Variants in CTNNA3 observed in about 807,000 individuals in gnomAD.
CTNNA3 encodes catenin alpha 3.
In CTNNA3, 76 loss-of-function variants were observed where a neutral mutation model predicts 95.7. The observed-to-expected ratio is 0.79, with a 90% CI of 0.66 to 0.96. The LOEUF (loss-of-function observed/expected upper bound fraction) is 0.96. Among genes scored for constraint, CTNNA3 ranks in the 40% least tolerant of loss-of-function variants. The probability of loss-of-function intolerance (pLI) is 0.00; values close to 1 mark genes in which losing one functional copy is unlikely to be tolerated. For synonymous variants in CTNNA3, 431 were observed against 374.4 expected (o/e 1.15, Z -1.74); for missense variants, 1,191 against 1,089.8 (o/e 1.09, Z -1.31).
At chr10:66,588,044 C>G (rs1351142769) in intron 10 of CTNNA3, among the ~76,000 whole-genome samples, 1 of 152,184 alleles carries the variant, frequency 6.6e-6, no homozygotes, top group Non-Finnish European at 1.5e-5. Flanking sequence ...TCTGTGAGGT[C>G]CCCTGTGAGG....
chr10:66,673,653 C>T (rs1220479674), intron 9 of CTNNA3, among the ~76,000 whole-genome samples: 3 of 151,880 alleles, frequency 2.0e-5, no homozygotes, highest in African/African-American at 2.4e-5. Context: ...ATTAGATATA[C>T]CAAATACAGC....
intron 7 of CTNNA3, among the ~76,000 whole-genome samples, chr10:67,085,565 A>G (rs531746109): frequency 6.6e-6 from 1 of 152,004 alleles, no homozygotes; most frequent in Non-Finnish European, 1.5e-5. Flanking sequence ...ATCAACAAGA[A>G]GTATTTTATT....
chr10:67,597,757 C>T (rs550702300), intron 3 of CTNNA3, among the ~76,000 whole-genome samples: 4 of 152,244 alleles, frequency 2.6e-5, no homozygotes, highest in East Asian at 1.9e-4. Flanking sequence ...AGTGGTAGGG[C>T]GGTGGGGGCT....
At chr10:66,804,650 T>A (rs1841568499) in intron 7 of CTNNA3, among the ~76,000 whole-genome samples, 1 of 152,086 alleles carries the variant, frequency 6.6e-6, no homozygotes, top group Admixed American at 6.6e-5. Flanking sequence ...TAGATGAACG[T>A]TTATTAAACA....
At position 66,621,762 on chromosome 10, in the gene CTNNA3, A is replaced by G. The variant is rs369650832; in HGVS notation, c.1304T>C (p.Met435Thr). 7 of 1,609,986 alleles carry G rather than the reference A, an allele frequency of 4.3e-6. No homozygotes were observed. The highest frequency in any genetic ancestry group is 5.9e-6 in the Non-Finnish European group (7 of 1,178,408). The change falls in exon 10 of 18, where the codon ATG becomes ACG. Residue 435 changes from methionine (M) to threonine (T), a missense_variant. Transcript: ENST00000433211. ...LVEVANLACS[M>T]STNEDGIKIV... Reference sequence around the variant, plus strand: ...TTTAATTCCATCTTCATTTGTTGACATGGAACAAGCAAGATTTGCCACCTT... The same window carrying G: ...TTTAATTCCATCTTCATTTGTTGACGTGGAACAAGCAAGATTTGCCACCTT...
At chr10:66,211,390 A>G (rs771253334) in intron 13 of CTNNA3, among the ~76,000 whole-genome samples, 7 of 152,312 alleles carry the variant, frequency 4.6e-5, no homozygotes, top group South Asian at 2.1e-4. Context: ...CAATTATTTT[A>G]GAGAGAGCTC....
chr10:66,922,460 C>T (rs1388384734), intron 7 of CTNNA3, among the ~76,000 whole-genome samples: 2 of 152,186 alleles, frequency 1.3e-5, no homozygotes, highest in Non-Finnish European at 2.9e-5. Flanking sequence ...CTTCTGCAGC[C>T]TCAAGTATTC....
chr10:67,334,237 TG>T, intron 5 of CTNNA3: 1 of 156,762 alleles, frequency 6.4e-6, no homozygotes, highest in Non-Finnish European at 1.4e-5. Context: ...ATTTTGGCAT[TG>T]GACAGCACAT....
chr10:66,958,308 C>CA (rs35076056), intron 7 of CTNNA3, among the ~76,000 whole-genome samples: 2,269 of 86,784 alleles, frequency 0.026, 136 homozygotes, highest in African/African-American at 0.047. Context: ...TGCTTTCTTG[C>CA]AAAAAAAAAA....
intron 10 of CTNNA3, among the ~76,000 whole-genome samples, chr10:66,551,712 G>A (rs1842220949): frequency 6.6e-6 from 1 of 151,746 alleles, no homozygotes; most frequent in African/African-American, 2.4e-5. Context: ...TATTTTAGTA[G>A]GCATTTAACT....
chr10:67,093,955 G>C (rs1393740167), intron 7 of CTNNA3, among the ~76,000 whole-genome samples: 1 of 152,044 alleles, frequency 6.6e-6, no homozygotes, highest in East Asian at 1.9e-4. Context: ...GCAATACCGT[G>C]ATGTCAGGCA....
At chr10:67,132,032 G>T (rs1433759062) in intron 7 of CTNNA3, among the ~76,000 whole-genome samples, 1 of 152,118 alleles carries the variant, frequency 6.6e-6, no homozygotes, top group Non-Finnish European at 1.5e-5. Context: ...GATGGTATTT[G>T]CAGTATTCTG....
chr10:66,523,532 A>G (rs1841143355), intron 10 of CTNNA3, among the ~76,000 whole-genome samples: 1 of 152,222 alleles, frequency 6.6e-6, no homozygotes, highest in African/African-American at 2.4e-5. Flanking sequence ...CCATATATCT[A>G]GAGAAAATAA....
At chr10:67,653,063 T>C (rs1052609947) in intron 1 of CTNNA3, among the ~76,000 whole-genome samples, 3 of 152,222 alleles carry the variant, frequency 2.0e-5, no homozygotes, top group Non-Finnish European at 4.4e-5. Flanking sequence ...CTGCAGGCTA[T>C]ACAGAAAGCA....
intron 11 of CTNNA3, among the ~76,000 whole-genome samples, chr10:66,440,642 T>C (rs886706600): frequency 6.6e-6 from 1 of 152,156 alleles, no homozygotes; most frequent in Non-Finnish European, 1.5e-5. Flanking sequence ...TTCACTATTC[T>C]TGTTTGAAAC....
intron 5 of CTNNA3, among the ~76,000 whole-genome samples, chr10:67,473,159 G>T (rs1320886785): frequency 2.6e-5 from 4 of 152,158 alleles, no homozygotes; most frequent in Non-Finnish European, 5.9e-5. Context: ...ATTATTACAT[G>T]ATGAAATGCT....
intron 15 of CTNNA3, among the ~76,000 whole-genome samples, chr10:66,020,982 A>C (rs1378176231): frequency 1.3e-5 from 2 of 151,992 alleles, no homozygotes; most frequent in East Asian, 3.9e-4. Flanking sequence ...CGATGATCTG[A>C]ATTTTATTCA....
At chr10:67,722,804 G>T (rs1024593550) in intron 1 of CTNNA3, among the ~76,000 whole-genome samples, 1 of 152,042 alleles carries the variant, frequency 6.6e-6, no homozygotes, top group Admixed American at 6.6e-5. Context: ...TATATTTTCA[G>T]ATTTCCAATA....
At chr10:66,249,591 C>A (rs2090469377) in intron 13 of CTNNA3, among the ~76,000 whole-genome samples, 1 of 152,004 alleles carries the variant, frequency 6.6e-6, no homozygotes, top group Non-Finnish European at 1.5e-5. Context: ...AACATCTCAC[C>A]CCAGTTAAAA....
Sources: gnomAD v4.1 joint callset for allele counts (sites outside exome capture counted in the v4.1 genomes callset) on GRCh38, gnomAD v4.1.1 for gene constraint, MANE v1.5 for transcripts, NCBI Gene and HGNC (gene_info 2026-07-23, HGNC 2026-07-21) for gene names.